The following CRACR2A variants were observed in gnomAD, a reference collection of about 807,000 sequenced individuals.
CRACR2A encodes the protein EF-hand calcium-binding domain-containing protein 4B.
CRACR2A carries 79 observed loss-of-function variants against 90.5 expected under a neutral mutation model. The observed-to-expected ratio is 0.87, with a 90% CI of 0.73 to 1.05. The LOEUF (loss-of-function observed/expected upper bound fraction) is 1.05, where lower values mean the gene tolerates loss of function less well. Among genes scored for constraint, CRACR2A ranks in the 50% least tolerant of loss-of-function variants. The pLI is 0.00. For missense variants in CRACR2A, 823 were observed against 897.2 expected, an observed-to-expected ratio of 0.92 and a Z score of 1.06; for synonymous variants, 338 against 356.7, an observed-to-expected ratio of 0.95 and a Z score of 0.59.
At chr12:3,732,856 C>T (rs1444685055) in intron 2 of CRACR2A, 86 bp downstream of exon 2, 3 of 152,254 alleles carry the variant, frequency 2.0e-5, no homozygotes, top group African/African-American at 7.2e-5. Context: ...TTCTTATCCT[C>T]ATTCAGAACA....
intron 12 of CRACR2A, among the ~76,000 whole-genome samples, chr12:3,642,153 T>C (rs1410044339): frequency 1.3e-5 from 2 of 152,192 alleles, no homozygotes; most frequent in African/African-American, 4.8e-5. Context: ...GTTTAATGCA[T>C]ATTTTCTATA....
At chr12:3,697,990 G>A (rs1158908733) in intron 3 of CRACR2A, among the ~76,000 whole-genome samples, 3 of 152,150 alleles carry the variant, frequency 2.0e-5, no homozygotes, top group African/African-American at 4.8e-5. Context: ...TGAACAAGTC[G>A]GTACCTGTCT....
At chr12:3,722,518 G>A (rs10848912) in intron 2 of CRACR2A, among the ~76,000 whole-genome samples, 28,826 of 152,124 alleles carry the variant, frequency 0.19, 3,296 homozygotes, top group Middle Eastern at 0.28. Flanking sequence ...ACTCGAGAAC[G>A]AAGTGTGGAG....
At chr12:3,672,683 T>A (rs774108529) in intron 7 of CRACR2A, 1 of 865,882 alleles carries the variant, frequency 1.2e-6, no homozygotes, top group Admixed American at 6.2e-5. Context: ...TTAATTCTCA[T>A]GAAGGGACTG....
At chr12:3,699,280 G>A (rs545459789) in intron 3 of CRACR2A, among the ~76,000 whole-genome samples, 22 of 152,290 alleles carry the variant, frequency 1.4e-4, no homozygotes, top group African/African-American at 4.1e-4. Context: ...TAACGGGAAC[G>A]TCTTTAATTC....
chr12:3,665,942 G>C (rs1945126726), intron 7 of CRACR2A, among the ~76,000 whole-genome samples: 1 of 152,154 alleles, frequency 6.6e-6, no homozygotes, highest in Non-Finnish European at 1.5e-5. Context: ...CAGTGCTATA[G>C]TGGCAGGGAG....
intron 7 of CRACR2A, among the ~76,000 whole-genome samples, chr12:3,665,328 G>C (rs1370854755): frequency 6.6e-6 from 1 of 152,170 alleles, no homozygotes; most frequent in Non-Finnish European, 1.5e-5. Flanking sequence ...TGCTGACACA[G>C]GTATGGTTGC....
chr12:3,666,364 T>TGTGTGTGTGTGTGTGTGC (rs765943563), intron 7 of CRACR2A, among the ~76,000 whole-genome samples: 4 of 149,498 alleles, frequency 2.7e-5, no homozygotes, highest in African/African-American at 7.5e-5. Flanking sequence ...TGCGTGCGTG[T>TGTGTGTGTGTGTGTGTGC]GCGCGTGCGC....
Position 3,648,659 on chromosome 12 carries a change from C to T in CRACR2A, c.1047-46G>A, listed in dbSNP as rs146788034. ...TGGCAGTGAGCTCCCAGGTGGAAGC[C>T]GGATGCCCGGACCCCTCATGCTGGA... On this transcript the variant is annotated intron_variant, in intron 10 of 19. Transcript: ENST00000440314. The T allele has an allele frequency of 5.1e-4, 814 of 1,586,326 alleles. 5 individuals are homozygous for T. Among genetic ancestry groups the T allele is most frequent in the Middle Eastern group, 3.9e-4 (2 of 5,178 alleles).
At chr12:3,690,249 T>C (rs1243560039) in intron 4 of CRACR2A, among the ~76,000 whole-genome samples, 1 of 152,204 alleles carries the variant, frequency 6.6e-6, no homozygotes, top group African/African-American at 2.4e-5. Flanking sequence ...AATTGTGATA[T>C]TAGGTTGCTA....
intron 3 of CRACR2A, among the ~76,000 whole-genome samples, chr12:3,704,735 A>G (rs543157532): frequency 6.6e-6 from 1 of 152,318 alleles, no homozygotes; most frequent in African/African-American, 2.4e-5. Context: ...GCAAGCAGGA[A>G]ATGGCTGAAA....
intron 12 of CRACR2A, 119 bp downstream of exon 12, chr12:3,644,476 A>G: frequency 9.3e-7 from 1 of 1,077,616 alleles, no homozygotes; most frequent in Non-Finnish European, 1.4e-6. Context: ...TCATGCCGTC[A>G]TCCTGCCAAA....
At chr12:3,712,740 A>T (rs376868847) in intron 3 of CRACR2A, among the ~76,000 whole-genome samples, 8 of 152,334 alleles carry the variant, frequency 5.3e-5, no homozygotes, top group African/African-American at 1.9e-4. Flanking sequence ...GAAATGAGAC[A>T]GCAGATGTGA....
At chr12:3,743,959 T>C (rs1946570210) in intron 1 of CRACR2A, among the ~76,000 whole-genome samples, 1 of 151,984 alleles carries the variant, frequency 6.6e-6, no homozygotes, top group Non-Finnish European at 1.5e-5. Flanking sequence ...GCTGGGGAAA[T>C]AGCAAATACA....
intron 3 of CRACR2A, among the ~76,000 whole-genome samples, chr12:3,712,307 G>A (rs937033614): frequency 1.3e-5 from 2 of 151,996 alleles, no homozygotes; most frequent in Non-Finnish European, 2.9e-5. Context: ...AGAAATACTC[G>A]AGACTGGGTA....
chr12:3,652,662 G>A (rs1944814787), intron 10 of CRACR2A, among the ~76,000 whole-genome samples: 1 of 152,164 alleles, frequency 6.6e-6, no homozygotes, highest in Non-Finnish European at 1.5e-5. Flanking sequence ...TTTTGAACAA[G>A]GGGAGTTAAC....
intron 17 of CRACR2A, 92 bp from the exon 18 acceptor site, chr12:3,619,464 G>A (rs1356363588): frequency 1.0e-5 from 10 of 956,846 alleles, no homozygotes; most frequent in Admixed American, 1.0e-4. Context: ...ATGGGACCTC[G>A]CTTGAGAATC....
At chr12:3,626,949 C>G (rs547507041) in intron 17 of CRACR2A, among the ~76,000 whole-genome samples, 1 of 152,172 alleles carries the variant, frequency 6.6e-6, no homozygotes, top group African/African-American at 2.4e-5. Flanking sequence ...AGAGCTGTGA[C>G]AGAGGCCCCC....
At position 3,711,709 on chromosome 12, in the gene CRACR2A, A is replaced by G. The variant is rs1315350683; in HGVS notation, c.-37+1528T>C. On this transcript the variant is annotated intron_variant, in intron 3 of 19. Coordinates refer to ENST00000440314, the MANE Select transcript of CRACR2A (RefSeq NM_001144958.2). The surrounding 1 kb of genome is among the most constrained non-coding windows in gnomAD (Gnocchi z 4.3). ...CATGGCAATGTAGGCTTTTTCTAGC[A>G]TGTACCTCAAAATTCTTTCAGCCTC... Among the ~76,000 whole-genome samples, 8 of 152,196 alleles carry G rather than the reference A, an allele frequency of 5.3e-5. No homozygotes were observed. Among genetic ancestry groups the G allele is most frequent in the African/African-American group, 1.9e-4 (8 of 41,444 alleles).
Sources: allele counts gnomAD v4.1 joint callset (sites outside exome capture counted in the v4.1 genomes callset), GRCh38; gene constraint gnomAD v4.1.1; non-coding constraint Gnocchi (gnomAD v3.1); transcripts MANE v1.5; gene names NCBI Gene and HGNC (gene_info 2026-07-23, HGNC 2026-07-21).